TNR: variants seen among roughly 807,000 people sequenced by gnomAD.
TNR encodes the protein tenascin-R.
TNR carries 45 observed loss-of-function variants against 150.4 expected under a neutral mutation model. The observed-to-expected ratio is 0.30, with a 90% confidence interval of 0.24 to 0.38. The LOEUF (loss-of-function observed/expected upper bound fraction) is 0.38. TNR is among the 10% of genes least tolerant of loss of function. The probability of loss-of-function intolerance (pLI) is 1.00; values close to 1 mark genes in which losing one functional copy is unlikely to be tolerated. For synonymous variants in TNR, 687 were observed against 678.4 expected (o/e 1.01, Z -0.20); for missense variants, 1,544 against 1,759.1 (o/e 0.88, Z 2.19).
intron 1 of TNR, among the ~76,000 whole-genome samples, chr1:175,712,286 G>A (rs931832185): frequency 9.9e-5 from 15 of 152,134 alleles, no homozygotes; most frequent in Non-Finnish European, 7.4e-5. Flanking sequence ...CTCATGCAGT[G>A]AAGAGCCATT....
rs574461879 is a variant in TNR at position 175,323,183 on chromosome 1, G to A, written c.*174C>T. ...ATGGAGACTGAGGGTCAGGCTCCAG[G>A]GCAGCAGAAACCAAGAGCAGATGTT... On this transcript the variant is annotated 3_prime_UTR_variant, in exon 23 of 23. Coordinates refer to ENST00000367674, the MANE Select transcript of TNR (RefSeq NM_003285.3). 248 of 785,010 alleles carry A rather than the reference G, an allele frequency of 3.2e-4. No homozygotes were observed. Among genetic ancestry groups the A allele is most frequent in the African/African-American group, 2.0e-3 (115 of 56,784 alleles). The allele number at this position is 785,010 out of a possible 1,614,324, so 48.6% of individuals were successfully genotyped here. A position where few individuals can be genotyped will look rare whatever the true frequency, so the allele number is the denominator to read the frequency against.
intron 1 of TNR, among the ~76,000 whole-genome samples, chr1:175,615,530 A>G (rs181529110): frequency 1.3e-3 from 203 of 152,316 alleles, no homozygotes; most frequent in South Asian, 4.6e-3. Context: ...GGGCCACATC[A>G]AGGCCCCGCC....
intron 2 of TNR, among the ~76,000 whole-genome samples, chr1:175,415,387 A>T (rs1224394509): frequency 6.6e-6 from 1 of 152,174 alleles, no homozygotes; most frequent in Non-Finnish European, 1.5e-5. Flanking sequence ...CGAGGGCAGA[A>T]AACTCCCAGC....
At chr1:175,451,149 A>G (rs1421239352) in intron 2 of TNR, among the ~76,000 whole-genome samples, 1 of 151,612 alleles carries the variant, frequency 6.6e-6, no homozygotes, top group Non-Finnish European at 1.5e-5. Flanking sequence ...CTGCCTTTGC[A>G]CTTGAGGAAA....
At chr1:175,505,571 C>T (rs920620641) in intron 2 of TNR, among the ~76,000 whole-genome samples, 8 of 152,236 alleles carry the variant, frequency 5.3e-5, no homozygotes, top group African/African-American at 1.7e-4. Flanking sequence ...ACGCCCGAAC[C>T]AGCACCACCT....
intron 2 of TNR, among the ~76,000 whole-genome samples, chr1:175,459,672 C>T (rs1656727024): frequency 1.3e-5 from 2 of 152,154 alleles, no homozygotes; most frequent in Admixed American, 6.6e-5. Context: ...GGTGGGGTGG[C>T]AGCAGTGGTG....
chr1:175,579,886 C>A (rs1430385888), intron 1 of TNR, among the ~76,000 whole-genome samples: 2 of 152,046 alleles, frequency 1.3e-5, no homozygotes, highest in African/African-American at 4.8e-5. Context: ...CTTCCCTTTC[C>A]CTTTCAGCGG....
At chr1:175,528,735 C>G (rs1265885833) in intron 1 of TNR, among the ~76,000 whole-genome samples, 1 of 152,138 alleles carries the variant, frequency 6.6e-6, no homozygotes, top group African/African-American at 2.4e-5. Context: ...AAAAGGCCTC[C>G]CATACAAACC....
At chr1:175,693,266 C>A (rs1211483901) in intron 1 of TNR, among the ~76,000 whole-genome samples, 2 of 152,204 alleles carry the variant, frequency 1.3e-5, no homozygotes, top group Non-Finnish European at 2.9e-5. Flanking sequence ...TCTTTTATTT[C>A]TCAAACACCC....
chr1:175,594,828 G>A (rs978400979), intron 1 of TNR, among the ~76,000 whole-genome samples: 1 of 147,220 alleles, frequency 6.8e-6, no homozygotes, highest in African/African-American at 2.6e-5. Context: ...TTGCACTCCA[G>A]CCTGGGCAAC....
intron 1 of TNR, among the ~76,000 whole-genome samples, chr1:175,529,692 G>A (rs536793900): frequency 6.6e-6 from 1 of 152,158 alleles, no homozygotes; most frequent in Non-Finnish European, 1.5e-5. Flanking sequence ...CAGCCTATTT[G>A]GGGGGCAGAT....
chr1:175,609,393 GA>G (rs1174367977), intron 1 of TNR, among the ~76,000 whole-genome samples: 2 of 152,106 alleles, frequency 1.3e-5, no homozygotes, highest in African/African-American at 2.4e-5. Context: ...ATAAAAAGAA[GA>G]AAAAAATATT....
At chr1:175,349,821 C>G (rs1373837704) in intron 18 of TNR, among the ~76,000 whole-genome samples, 1 of 152,214 alleles carries the variant, frequency 6.6e-6, no homozygotes. Context: ...TAGTGCCCTA[C>G]CTCCTTCTCC....
intron 20 of TNR, among the ~76,000 whole-genome samples, chr1:175,331,165 CCTTCCTTCCTTCCTTCCTTCCTTCCTT>C (rs1649889442): frequency 5.3e-5 from 2 of 37,584 alleles, no homozygotes; most frequent in Non-Finnish European, 1.1e-4. Flanking sequence ...CTTTTTCTTT[CCTTCCTTCCTTCCTTCCTTCCTTCCTT>C]CCTTCCTTCC....
At chr1:175,377,372 A>G (rs1652444163) in intron 9 of TNR, among the ~76,000 whole-genome samples, 1 of 151,630 alleles carries the variant, frequency 6.6e-6, no homozygotes, top group Non-Finnish European at 1.5e-5. Context: ...CATCGATTTT[A>G]TATAACTGCT....
intron 1 of TNR, among the ~76,000 whole-genome samples, chr1:175,585,298 T>C (rs964028765): frequency 3.9e-5 from 6 of 152,230 alleles, no homozygotes; most frequent in African/African-American, 1.4e-4. Context: ...TACTCAAACT[T>C]AAGCACAAAA....
chr1:175,460,303 GC>G (rs1327214635), intron 2 of TNR, among the ~76,000 whole-genome samples: 1 of 152,060 alleles, frequency 6.6e-6, no homozygotes, highest in East Asian at 1.9e-4. Context: ...CCTTCTGCTA[GC>G]TTCTTTAACA....
intron 1 of TNR, among the ~76,000 whole-genome samples, chr1:175,631,377 A>G (rs1664321496): frequency 6.6e-6 from 1 of 152,264 alleles, no homozygotes; most frequent in South Asian, 2.1e-4. Context: ...CTACAGGTCT[A>G]TAGCAAGCTT....
At chr1:175,661,930 A>T (rs1339108864) in intron 1 of TNR, among the ~76,000 whole-genome samples, 3 of 151,830 alleles carry the variant, frequency 2.0e-5, no homozygotes, top group Non-Finnish European at 4.4e-5. Context: ...CATAAACTTA[A>T]GACCAGACAA....
Sources: gnomAD v4.1 joint callset for allele counts (sites outside exome capture counted in the v4.1 genomes callset) on GRCh38, gnomAD v4.1.1 for gene constraint, MANE v1.5 for transcripts, NCBI Gene and HGNC (gene_info 2026-07-23, HGNC 2026-07-21) for gene names.